PRRG2: variants seen among roughly 807,000 people sequenced by gnomAD.
PRRG2 encodes transmembrane gamma-carboxyglutamic acid protein 2.
A neutral mutation model predicts 27.1 loss-of-function variants in PRRG2; 23 were observed. The ratio of observed to expected loss-of-function variants is 0.85; its 90% CI spans 0.61 to 1.20. PRRG2 has a LOEUF of 1.20. Ranked by LOEUF, PRRG2 falls within the 50% of genes most tolerant of loss-of-function variation. The probability of loss-of-function intolerance (pLI) is 0.00; values close to 1 mark genes in which losing one functional copy is unlikely to be tolerated. For missense variants in PRRG2, 276 were observed against 254.8 expected, an observed-to-expected ratio of 1.08 and a Z score of -0.57; for synonymous variants, 104 against 103.4, an observed-to-expected ratio of 1.01 and a Z score of -0.03.
chr19:49,586,615 G>A (rs1189863252), intron 4 of PRRG2, among the ~76,000 whole-genome samples: 1 of 152,144 alleles, frequency 6.6e-6, no homozygotes, highest in Non-Finnish European at 1.5e-5. Flanking sequence ...CACTTTGGGA[G>A]GCCAAGGCGG....
chr19:49,583,655 T>C lies in PRRG2; in HGVS notation c.199T>C (p.Cys67Arg). The C allele has an allele frequency of 6.2e-7, 1 of 1,613,878 alleles. No homozygotes were observed. The highest frequency in any genetic ancestry group is 8.5e-7 in the Non-Finnish European group (1 of 1,179,988). ...CACACCAGGGAACCTGGAACGGGAG[T>C]GTCTGGAAGAGAGGTGTTCCTGGGA... ...LLTPGNLERECLEERCSWEEA... is the reference protein window; with the variant it reads ...LLTPGNLERERLEERCSWEEA... The change falls in exon 3 of 7, where the codon TGT becomes CGT. Residue 67 changes from cysteine (C) to arginine (R), a missense_variant. Physicochemically the swap from Cys to Arg is radical, Grantham distance 180. Coordinates refer to ENST00000246794, the MANE Select transcript of PRRG2 (RefSeq NM_000951.3).
At chr19:49,583,030 C>CAA (rs112161078) in intron 1 of PRRG2, among the ~76,000 whole-genome samples, 177 bp from the exon 2 acceptor site, 1 of 119,870 alleles carries the variant, frequency 8.3e-6, no homozygotes, top group African/African-American at 3.0e-5. Flanking sequence ...GACTCCATGT[C>CAA]AAAAAAAAAA....
intron 4 of PRRG2, among the ~76,000 whole-genome samples, chr19:49,584,940 C>T (rs923454987): frequency 6.6e-6 from 1 of 152,174 alleles, no homozygotes; most frequent in African/African-American, 2.4e-5. Flanking sequence ...GCTGGGGACA[C>T]AGCCCTCTAG....
intron 4 of PRRG2, among the ~76,000 whole-genome samples, chr19:49,586,567 T>G (rs1160643035): frequency 6.6e-6 from 1 of 151,914 alleles, no homozygotes; most frequent in Non-Finnish European, 1.5e-5. Context: ...AAACATTTTT[T>G]TCCAGCTGGG....
At chr19:49,584,570 G>C (rs571960123) in intron 4 of PRRG2, among the ~76,000 whole-genome samples, 47 of 152,300 alleles carry the variant, frequency 3.1e-4, no homozygotes, top group Middle Eastern at 3.4e-3. Context: ...CCGGGCTCAA[G>C]CGATCTTCCC....
upstream of PRRG2, among the ~76,000 whole-genome samples, chr19:49,581,149 G>T (rs2080619479): frequency 6.6e-6 from 1 of 152,174 alleles, no homozygotes; most frequent in Non-Finnish European, 1.5e-5. Context: ...AGCCAGAGCG[G>T]GTAGGGGTCG....
rs1374156038 is a variant in PRRG2 at position 49,590,606 on chromosome 19, C to A, written c.*217C>A. ...CGTGTTCCCGTGTCCTGGCCCCTCA[C>A]GGGCCCCCACACTCTCCTGACCGTG... is the stretch of plus-strand genomic sequence containing the variant. On this transcript the variant is annotated 3_prime_UTR_variant, in exon 7 of 7. Coordinates refer to ENST00000246794, the MANE Select transcript of PRRG2 (RefSeq NM_000951.3). 6.3e-6 allele frequency: 4 copies of A among 632,938 alleles called. No individual in the cohort carries two copies. Among genetic ancestry groups the A allele is most frequent in the Non-Finnish European group, 1.1e-5 (4 of 368,170 alleles). 39.2% of individuals were successfully genotyped at this position (632,938 alleles called of 1,614,324 possible). A position where few individuals can be genotyped will look rare whatever the true frequency, so the allele number is the denominator to read the frequency against.
chr19:49,586,859 CAAAA>C (rs1376486734), intron 4 of PRRG2, among the ~76,000 whole-genome samples: 1 of 151,926 alleles, frequency 6.6e-6, no homozygotes, highest in Non-Finnish European at 1.5e-5. Context: ...CAAAACAAAA[CAAAA>C]AACCAACATT....
At chr19:49,583,034 A>G (rs2080639796) in intron 1 of PRRG2, among the ~76,000 whole-genome samples, 173 bp from the exon 2 acceptor site, 2 of 152,050 alleles carry the variant, frequency 1.3e-5, no homozygotes, top group Non-Finnish European at 1.5e-5. Flanking sequence ...CCATGTCAAA[A>G]AAAAAAAAAA....
At chr19:49,581,888 C>T (rs1002384241) in intron 1 of PRRG2, among the ~76,000 whole-genome samples, 1 of 152,088 alleles carries the variant, frequency 6.6e-6, no homozygotes, top group African/African-American at 2.4e-5. Context: ...GTGTGACCTT[C>T]GGCAAGCTAT....
At chr19:49,585,248 T>C (rs2080660583) in intron 4 of PRRG2, among the ~76,000 whole-genome samples, 2 of 152,182 alleles carry the variant, frequency 1.3e-5, no homozygotes, top group South Asian at 4.1e-4. Context: ...TTCTGCCCAC[T>C]GGAGGACCAC....
chr19:49,585,412 G>A (rs1757170181), intron 4 of PRRG2, among the ~76,000 whole-genome samples: 6 of 152,220 alleles, frequency 3.9e-5, no homozygotes, highest in Admixed American at 3.9e-4. Context: ...AGGCGTAGTG[G>A]CTCCTCGAAT....
chr19:49,590,643 C>T lies in PRRG2; in HGVS notation c.*254C>T, dbSNP rs569865244. On this transcript the variant is annotated 3_prime_UTR_variant, in exon 7 of 7. Transcript: ENST00000246794. ...CTCTCCTGACCGTGAGGGCACTGGT[C>T]AGTTCCGCCCCCGTGGTAGGCAGAC... The T allele has an allele frequency of 3.2e-5, 18 of 556,212 alleles. 1 individual carries two copies. The South Asian group carries it at 4.1e-4, about 13-fold the overall frequency. 34.5% of individuals were successfully genotyped at this position (556,212 alleles called of 1,614,324 possible). A position where few individuals can be genotyped will look rare whatever the true frequency, so the allele number is the denominator to read the frequency against.
chr19:49,583,017 C>A (rs1184813736), intron 1 of PRRG2, among the ~76,000 whole-genome samples, 190 bp from the exon 2 acceptor site: 3 of 150,014 alleles, frequency 2.0e-5, no homozygotes, highest in Non-Finnish European at 3.0e-5. Flanking sequence ...GCTGACAGAG[C>A]GAGACTCCAT....
In PRRG2 at chr19:49,590,353, G is replaced by A. The variant is rs944440866; in HGVS notation, c.591-18G>A. The A allele has an allele frequency of 5.6e-6, 9 of 1,614,052 alleles. No homozygotes were observed. Among genetic ancestry groups the A allele is most frequent in the Middle Eastern group, 1.6e-4 (1 of 6,084 alleles). On this transcript the variant is annotated intron_variant, in intron 6 of 6. Transcript: ENST00000246794. ...ACAGCCAGATCTTTGACTCCCTAGT[G>A]TGCCTTTCCTCTTGCAGCCTCAGGA...
At chr19:49,589,848 G>A in intron 5 of PRRG2, 52 bp from the exon 6 acceptor site, 1 of 1,591,744 alleles carries the variant, frequency 6.3e-7, no homozygotes, top group South Asian at 1.1e-5. Flanking sequence ...TTCCTCCCTA[G>A]TCTAGGTATC....
At position 49,583,598 on chromosome 19, in the gene PRRG2, C is replaced by T; in HGVS notation, c.142C>T (p.Pro48Ser). The stretch of plus-strand genomic sequence containing the variant: ...CTTCCTGAGTAGCCATACCCGGATT[C>T]CAAGAGCCAACCACTGGGACCTGGA... ...QSFLSSHTRI[P>S]RANHWDLELL... The change falls in exon 3 of 7, where the codon CCA (proline) becomes TCA (serine). Residue 48 changes from proline to serine, a missense_variant. Physicochemically the swap from Pro to Ser is moderately conservative, Grantham distance 74 (BLOSUM62 -1). Transcript: ENST00000246794. The T allele has an allele frequency of 6.2e-7, 1 of 1,614,232 alleles. No individual in the cohort carries two copies. The highest frequency in any genetic ancestry group is 8.5e-7 in the Non-Finnish European group (1 of 1,180,042).
chr19:49,583,486 A>T lies in PRRG2; in HGVS notation c.86-56A>T, dbSNP rs764551086. The stretch of plus-strand genomic sequence containing the variant: ...GGACCCCACTGCTTTCCATCCCCCT[A>T]TGACTCCAGCCCTAGGGACCCTCCA... On this transcript the variant is annotated intron_variant, in intron 2 of 6. Coordinates refer to ENST00000246794, the MANE Select transcript of PRRG2 (RefSeq NM_000951.3). 1.4e-5 allele frequency: 22 copies of T among 1,589,076 alleles called. No individual in the cohort carries two copies. The South Asian group carries it at 2.1e-4, about 15-fold the overall frequency.
chr19:49,583,650 G>A lies in PRRG2; in HGVS notation c.194G>A (p.Arg65Gln), dbSNP rs148528739. Reference sequence around the variant, plus strand: ...CTGCTCACACCAGGGAACCTGGAACGGGAGTGTCTGGAAGAGAGGTGTTCC... The same window carrying A: ...CTGCTCACACCAGGGAACCTGGAACAGGAGTGTCTGGAAGAGAGGTGTTCC... ...LELLTPGNLERECLEERCSWE... is the reference protein window; with the variant it reads ...LELLTPGNLEQECLEERCSWE... Residue 65 changes from arginine to glutamine, a missense_variant, in exon 3 of 7, where the codon CGG (arginine) becomes CAG (glutamine). Coordinates refer to ENST00000246794, the MANE Select transcript of PRRG2 (RefSeq NM_000951.3). The A allele has an allele frequency of 2.0e-4, 328 of 1,614,218 alleles. No homozygotes were observed. The highest frequency in any genetic ancestry group is 3.6e-4 in the South Asian group (33 of 91,084).
Sources: gnomAD v4.1 joint callset for allele counts (sites outside exome capture counted in the v4.1 genomes callset) on GRCh38, gnomAD v4.1.1 for gene constraint, MANE v1.5 for transcripts, NCBI Gene and HGNC (gene_info 2026-07-23, HGNC 2026-07-21) for gene names.